The following PPP2R5C variants were observed in gnomAD, a reference collection of about 807,000 sequenced individuals.
PPP2R5C encodes protein phosphatase 2 regulatory subunit B'gamma, also known as serine/threonine-protein phosphatase 2A 56 kDa regulatory subunit gamma isoform.
A neutral mutation model predicts 68.9 loss-of-function variants in PPP2R5C; 7 were observed. The observed-to-expected ratio is 0.10, with a 90% CI of 0.06 to 0.19. The LOEUF is 0.19. Ranked by LOEUF, PPP2R5C falls within the 10% of genes least tolerant of loss-of-function variation. The pLI, the probability that PPP2R5C is intolerant of heterozygous loss-of-function variation, is 1.00. For synonymous variants in PPP2R5C, 210 were observed against 222.2 expected (o/e 0.95, Z 0.49); for missense variants, 348 against 641.3 (o/e 0.54, Z 4.94).
intron 3 of PPP2R5C, among the ~76,000 whole-genome samples, chr14:101,788,358 G>A (rs947476759): frequency 6.6e-6 from 1 of 152,158 alleles, no homozygotes; most frequent in Non-Finnish European, 1.5e-5. Context: ...GATTTTTCTG[G>A]TTTTGAACCA....
At chr14:101,770,378 T>G (rs1410798384) in intron 2 of PPP2R5C, among the ~76,000 whole-genome samples, 1 of 152,218 alleles carries the variant, frequency 6.6e-6, no homozygotes, top group Admixed American at 6.5e-5. Context: ...TTTTGAAGTG[T>G]AGCACCTGTT....
At chr14:101,777,613 G>A (rs1192834959) in intron 2 of PPP2R5C, among the ~76,000 whole-genome samples, 1 of 152,158 alleles carries the variant, frequency 6.6e-6, no homozygotes, top group African/African-American at 2.4e-5. Context: ...GCCTCCCAAG[G>A]TGCTGGGATT....
At chr14:101,770,872 C>T (rs533099280) in intron 2 of PPP2R5C, among the ~76,000 whole-genome samples, 4 of 152,368 alleles carry the variant, frequency 2.6e-5, no homozygotes, top group Admixed American at 2.6e-4. Flanking sequence ...ACATGAAATG[C>T]GGTGATGTTT....
intron 3 of PPP2R5C, among the ~76,000 whole-genome samples, chr14:101,790,134 T>C (rs1277101142): frequency 6.6e-6 from 1 of 152,126 alleles, no homozygotes; most frequent in African/African-American, 2.4e-5. Flanking sequence ...AGTTGACTTA[T>C]TTTTAGTTTG....
chr14:101,915,378 C>A lies in PPP2R5C; in HGVS notation c.1327-2453C>A, dbSNP rs1289203108. 6.6e-6 allele frequency among the ~76,000 whole-genome samples: 1 copy of A among 152,200 alleles called. No individual in the cohort carries two copies. The highest frequency in any genetic ancestry group is 1.5e-5 in the Non-Finnish European group (1 of 68,042). ...TACAGGTGTGAGCCACCGCACCTGG[C>A]CTTCAGTGAAGGTTTTTATTCCTAG... On this transcript the variant is annotated intron_variant, in intron 12 of 13. Coordinates refer to ENST00000334743, the Ensembl canonical transcript of PPP2R5C. This position sits in a 1 kb window ranked among gnomAD's most constrained non-coding sequence, Gnocchi z 4.2.
intron 3 of PPP2R5C, among the ~76,000 whole-genome samples, chr14:101,792,717 A>G (rs1433342794): frequency 6.6e-6 from 1 of 152,182 alleles, no homozygotes; most frequent in Non-Finnish European, 1.5e-5. Context: ...CATAATTGCA[A>G]TCATTAAGTG....
intron 1 of PPP2R5C, chr14:101,824,268 T>A (rs1392631864): frequency 1.9e-6 from 2 of 1,058,042 alleles, no homozygotes; most frequent in Non-Finnish European, 2.4e-6. Context: ...TGATATAGCA[T>A]GAAGTTCTTG....
chr14:101,907,424 G>A (rs1415162263), intron 10 of PPP2R5C, among the ~76,000 whole-genome samples: 1 of 152,120 alleles, frequency 6.6e-6, no homozygotes, highest in African/African-American at 2.4e-5. Flanking sequence ...ACCTGCCTCA[G>A]CCTCCCAAAG....
intron 3 of PPP2R5C, among the ~76,000 whole-genome samples, chr14:101,795,770 T>C (rs912318015): frequency 2.0e-5 from 3 of 152,250 alleles, no homozygotes; most frequent in Admixed American, 6.5e-5. Context: ...TTAAATATTT[T>C]ATATCTCTTG....
intron 1 of PPP2R5C, among the ~76,000 whole-genome samples, chr14:101,855,438 T>A (rs2140556665): frequency 6.6e-6 from 1 of 152,242 alleles, no homozygotes; most frequent in East Asian, 1.9e-4. Context: ...ACACCAAAAG[T>A]TAGTATGGGT....
At chr14:101,819,373 C>T (rs1173922809) in intron 1 of PPP2R5C, 44 of 339,226 alleles carry the variant, frequency 1.3e-4, no homozygotes, top group Non-Finnish European at 3.9e-5. Flanking sequence ...TCTAATTTAC[C>T]TCTCACTGTG....
chr14:101,903,312 A>T (rs116182737), intron 9 of PPP2R5C, among the ~76,000 whole-genome samples: 8,602 of 152,316 alleles, frequency 0.056, 289 homozygotes, highest in African/African-American at 0.074. Flanking sequence ...GCTGTTTTGC[A>T]TAAAAGCATG....
intron 1 of PPP2R5C, chr14:101,818,434 A>AAGACC (rs1372473326): frequency 1.3e-5 from 2 of 153,206 alleles, no homozygotes; most frequent in African/African-American, 4.8e-5. Context: ...TCAGGAGTTC[A>AAGACC]AGACCAGCCT....
chr14:101,900,979 C>A (rs935215652), intron 8 of PPP2R5C, among the ~76,000 whole-genome samples: 7 of 152,254 alleles, frequency 4.6e-5, no homozygotes, highest in African/African-American at 1.7e-4. Flanking sequence ...CGGGAGGTCC[C>A]ATCGCAGTAC....
chr14:101,802,489 A>C (rs2038907821), intron 3 of PPP2R5C, among the ~76,000 whole-genome samples: 1 of 152,200 alleles, frequency 6.6e-6, no homozygotes, highest in Admixed American at 6.5e-5. Context: ...AAAATGGATC[A>C]AACACCTAAA....
chr14:101,773,575 G>A (rs539120223), intron 2 of PPP2R5C, among the ~76,000 whole-genome samples: 72 of 152,330 alleles, frequency 4.7e-4, no homozygotes, highest in African/African-American at 1.4e-3. Context: ...AAGGAAAAGT[G>A]AGGGTAGGCA....
rs2141155180 is a variant in PPP2R5C at position 101,917,007 on chromosome 14, A to G, written c.1327-824A>G. On this transcript the variant is annotated intron_variant, in intron 12 of 13. Transcript: ENST00000334743. The surrounding 1 kb of genome is among the most constrained non-coding windows in gnomAD (Gnocchi z 4.4). Reference sequence around the variant, plus strand: ...CCACACAGTTCCCAGCTCACAGCAGACACAGATGCCACTTCCTTCGCCTGT... The same window carrying G: ...CCACACAGTTCCCAGCTCACAGCAGGCACAGATGCCACTTCCTTCGCCTGT... Among the ~76,000 whole-genome samples the G allele has an allele frequency of 6.6e-6, 1 of 152,240 alleles. No homozygotes were observed. Among genetic ancestry groups the G allele is most frequent in the South Asian group, 2.1e-4 (1 of 4,816 alleles).
intron 8 of PPP2R5C, 116 bp downstream of exon 10, chr14:101,894,676 A>C: frequency 1.0e-6 from 1 of 957,866 alleles, no homozygotes; most frequent in Non-Finnish European, 1.6e-6. Flanking sequence ...TTAAATTGCA[A>C]TACTAATAAA....
chr14:101,816,092 T>C (rs1051513851), intron 1 of PPP2R5C, among the ~76,000 whole-genome samples: 5 of 152,182 alleles, frequency 3.3e-5, no homozygotes, highest in African/African-American at 7.2e-5. Flanking sequence ...GAAAAACATA[T>C]AGGAGATGGC....
Sources: allele counts gnomAD v4.1 joint callset (sites outside exome capture counted in the v4.1 genomes callset), GRCh38; gene constraint gnomAD v4.1.1; non-coding constraint Gnocchi (gnomAD v3.1); transcripts MANE v1.5; gene names NCBI Gene and HGNC (gene_info 2026-07-23, HGNC 2026-07-21).